The following COA1 variants were observed in gnomAD, a reference collection of about 807,000 sequenced individuals.
COA1 encodes cytochrome c oxidase assembly factor 1.
COA1 carries 13 observed loss-of-function variants against 16.0 expected under a neutral mutation model. That is an observed-to-expected ratio of 0.81 (90% CI 0.53 to 1.29). COA1 has a LOEUF of 1.29. Among genes scored for constraint, COA1 ranks in the 50% most tolerant of loss-of-function variants. COA1 has a pLI of 0.00. For missense variants in COA1, 179 were observed against 177.0 expected (o/e 1.01, Z -0.06); for synonymous variants, 65 against 65.7 (o/e 0.99, Z 0.05).
At chr7:43,698,288 C>G (rs531406749) in intron 1 of COA1, among the ~76,000 whole-genome samples, 1 of 151,908 alleles carries the variant, frequency 6.6e-6, no homozygotes, top group African/African-American at 2.4e-5. Flanking sequence ...ACTTAAAACG[C>G]TTTTTTTTCC....
chr7:43,624,411 C>G (rs1646764337), intron 6 of COA1: 1 of 1,153,178 alleles, frequency 8.7e-7, no homozygotes, highest in Non-Finnish European at 1.2e-6. Flanking sequence ...AGATTTTTGC[C>G]AACTTGTCAG....
At chr7:43,624,670 A>C in intron 6 of COA1, 2 of 1,614,122 alleles carry the variant, frequency 1.2e-6, no homozygotes, top group Non-Finnish European at 1.7e-6. Context: ...GATACCGACA[A>C]ATCAGAAACC....
intron 6 of COA1, among the ~76,000 whole-genome samples, chr7:43,629,354 A>G (rs1485964915): frequency 6.6e-6 from 1 of 152,154 alleles, no homozygotes; most frequent in African/African-American, 2.4e-5. Flanking sequence ...AGCCTTGTGG[A>G]TTTTTATTAG....
At chr7:43,647,871 C>T (rs2089853823) in intron 2 of COA1, 1 of 521,524 alleles carries the variant, frequency 1.9e-6, no homozygotes, top group Non-Finnish European at 3.4e-6. Flanking sequence ...CTGTGGGGGC[C>T]CTGCCACCCC....
intron 1 of COA1, among the ~76,000 whole-genome samples, chr7:43,687,948 G>C (rs1253107389): frequency 6.6e-6 from 1 of 152,138 alleles, no homozygotes; most frequent in Admixed American, 6.5e-5. Flanking sequence ...TGAATCATGG[G>C]GGCCAGTCTT....
intron 3 of COA1, chr7:43,646,529 TTCAACCCA>T: frequency 2.2e-6 from 1 of 456,324 alleles, no homozygotes; most frequent in Non-Finnish European, 4.4e-6. Context: ...GATTCAACCA[TTCAACCCA>T]GGCAGTCGGC....
At chr7:43,650,816 C>CAA (rs35734086) in intron 1 of COA1, 1,641 of 128,994 alleles carry the variant, frequency 0.013, 10 homozygotes, top group African/African-American at 0.017. Context: ...CCCCCACCAC[C>CAA]AAAAAAAAAA....
intron 1 of COA1, among the ~76,000 whole-genome samples, chr7:43,653,127 G>A (rs1017769059): frequency 2.0e-5 from 3 of 152,016 alleles, no homozygotes; most frequent in East Asian, 1.9e-4. Context: ...CCTGGCTAAC[G>A]TGGTGAAACC....
chr7:43,694,263 A>T (rs528342368), intron 1 of COA1, among the ~76,000 whole-genome samples: 1 of 151,620 alleles, frequency 6.6e-6, no homozygotes, highest in Admixed American at 6.6e-5. Context: ...ATCTTTAAAA[A>T]AAAAAAAAAG....
chr7:43,726,758 G>A (rs913513205), intron 1 of COA1, among the ~76,000 whole-genome samples: 8 of 152,190 alleles, frequency 5.3e-5, no homozygotes, highest in African/African-American at 1.7e-4. Context: ...TTAAAAGAAC[G>A]GTAGCATAAT....
intron 6 of COA1, among the ~76,000 whole-genome samples, chr7:43,628,031 G>C (rs1272749642): frequency 1.3e-5 from 2 of 152,142 alleles, no homozygotes; most frequent in African/African-American, 4.8e-5. Flanking sequence ...TTGTTGCCCA[G>C]GCTGGAGTGC....
chr7:43,654,534 A>G (rs1280890290), intron 1 of COA1, among the ~76,000 whole-genome samples: 1 of 152,190 alleles, frequency 6.6e-6, no homozygotes, highest in Non-Finnish European at 1.5e-5. Context: ...TAGAATTAAC[A>G]TAGCAGAAAG....
intron 1 of COA1, chr7:43,658,683 T>C (rs1257882321): frequency 6.6e-6 from 1 of 152,064 alleles, no homozygotes; most frequent in African/African-American, 2.4e-5. Context: ...CTCTCAAAAA[T>C]AAGCAAACAA....
intron 6 of COA1, among the ~76,000 whole-genome samples, chr7:43,615,742 A>G (rs1403436879): frequency 1.3e-5 from 2 of 152,180 alleles, no homozygotes; most frequent in Non-Finnish European, 2.9e-5. Flanking sequence ...CCAGCCACAC[A>G]GGATTTCCTG....
intron 1 of COA1, among the ~76,000 whole-genome samples, chr7:43,658,290 C>T (rs2092024370): frequency 6.6e-6 from 1 of 151,600 alleles, no homozygotes; most frequent in South Asian, 2.1e-4. Flanking sequence ...ACTTGAGAGG[C>T]AGAGCCTGCA....
intron 1 of COA1, among the ~76,000 whole-genome samples, chr7:43,682,817 C>T (rs892787830): frequency 1.3e-5 from 2 of 152,048 alleles, no homozygotes; most frequent in African/African-American, 4.8e-5. Context: ...AGACAGCCTA[C>T]CTATACAAGC....
At chr7:43,624,924 G>A (rs2084338834) in intron 6 of COA1, 7 of 1,219,382 alleles carry the variant, frequency 5.7e-6, no homozygotes, top group South Asian at 1.5e-5. Flanking sequence ...AATGGTACAT[G>A]TACTGGAAGT....
chr7:43,713,958 C>T (rs1385583542), intron 1 of COA1, among the ~76,000 whole-genome samples: 1 of 151,794 alleles, frequency 6.6e-6, no homozygotes, highest in African/African-American at 2.4e-5. Flanking sequence ...ATTCCTTGAA[C>T]CAAAGAGACA....
intron 6 of COA1, chr7:43,626,791 T>C (rs2153031244): frequency 6.6e-6 from 1 of 152,344 alleles, no homozygotes. Flanking sequence ...ATATAATTGC[T>C]GTATTTGTGA....
Sources: allele counts gnomAD v4.1 joint callset (sites outside exome capture counted in the v4.1 genomes callset), GRCh38; gene constraint gnomAD v4.1.1; transcripts MANE v1.5; gene names NCBI Gene and HGNC (gene_info 2026-07-23, HGNC 2026-07-21).